PTPRT: variants seen among roughly 807,000 people sequenced by gnomAD.
PTPRT encodes receptor-type tyrosine-protein phosphatase T.
Under a neutral mutation model 176.8 loss-of-function variants are expected in PTPRT, and 56 were observed. The observed-to-expected ratio is 0.32, with a 90% confidence interval of 0.26 to 0.40. The LOEUF is 0.40. PTPRT is among the 10% of genes least tolerant of loss of function. The pLI, the probability that PTPRT is intolerant of heterozygous loss-of-function variation, is 1.00. For synonymous variants in PTPRT, 783 were observed against 739.0 expected, an observed-to-expected ratio of 1.06 and a Z score of -0.96; for missense variants, 1,540 against 1,908.2, an observed-to-expected ratio of 0.81 and a Z score of 3.60.
chr20:42,648,820 GTTTT>G (rs68036487), intron 7 of PTPRT, among the ~76,000 whole-genome samples: 65 of 111,830 alleles, frequency 5.8e-4, no homozygotes, highest in Non-Finnish European at 6.9e-4. Context: ...TGGTGTCGTT[GTTTT>G]TTTTTTTTTT....
At chr20:43,051,220 C>G (rs1367095173) in intron 1 of PTPRT, among the ~76,000 whole-genome samples, 1 of 152,176 alleles carries the variant, frequency 6.6e-6, no homozygotes, top group Non-Finnish European at 1.5e-5. Flanking sequence ...ATATATGTGC[C>G]AATAATATTG....
intron 6 of PTPRT, among the ~76,000 whole-genome samples, chr20:42,723,098 C>G (rs1048736226): frequency 5.3e-5 from 8 of 152,126 alleles, no homozygotes; most frequent in African/African-American, 1.9e-4. Flanking sequence ...AAGAGTAGTA[C>G]TTATCTCATT....
intron 9 of PTPRT, among the ~76,000 whole-genome samples, chr20:42,414,190 G>T (rs6016784): frequency 0.39 from 59,004 of 152,092 alleles, 12,785 homozygotes; most frequent in Admixed American, 0.5. Context: ...CTTGATGGAT[G>T]AATATCAGTA....
At chr20:42,678,979 A>T (rs2075556367) in intron 6 of PTPRT, among the ~76,000 whole-genome samples, 1 of 152,222 alleles carries the variant, frequency 6.6e-6, no homozygotes, top group Non-Finnish European at 1.5e-5. Context: ...CTTCTGCCTC[A>T]ACCCCAGCAG....
At chr20:42,591,091 C>T (rs532391232) in intron 7 of PTPRT, among the ~76,000 whole-genome samples, 15 of 151,850 alleles carry the variant, frequency 9.9e-5, no homozygotes, top group African/African-American at 3.4e-4. Flanking sequence ...TCCCAATCCA[C>T]TGAAATTTTA....
chr20:42,270,377 C>T, intron 13 of PTPRT: 1 of 1,540,914 alleles, frequency 6.5e-7, no homozygotes, highest in Non-Finnish European at 8.8e-7. Flanking sequence ...CTCCCACCCG[C>T]CCAGGGCTCT....
At chr20:42,356,189 A>G (rs537883519) in intron 9 of PTPRT, among the ~76,000 whole-genome samples, 6 of 152,266 alleles carry the variant, frequency 3.9e-5, no homozygotes, top group Admixed American at 3.9e-4. Flanking sequence ...ATAATATAAT[A>G]TGAACCTTCA....
chr20:42,273,048 C>G (rs1269687392), intron 13 of PTPRT, among the ~76,000 whole-genome samples: 2 of 152,312 alleles, frequency 1.3e-5, no homozygotes, highest in Admixed American at 6.5e-5. Context: ...CCAGTGACAT[C>G]CTGATTTTGC....
chr20:42,794,206 C>T (rs1022320873), intron 2 of PTPRT, among the ~76,000 whole-genome samples: 1 of 152,192 alleles, frequency 6.6e-6, no homozygotes, highest in African/African-American at 2.4e-5. Flanking sequence ...TCCAGCCTCC[C>T]TTTAGCATTT....
rs11482189 is a variant in PTPRT, at chr20:43,016,552, C to CTTTTTTTTTTTTTTTTTTTT, written c.89-130640_89-130621dup. 1.3e-4 allele frequency among the ~76,000 whole-genome samples: 10 copies of CTTTTTTTTTTTTTTTTTTTT among 76,236 alleles called. 2 individuals carry two copies. The highest frequency in any genetic ancestry group is 7.0e-4 in the African/African-American group (10 of 14,284). 50.0% of individuals were successfully genotyped at this position (76,236 alleles called of 152,430 possible). A position where few individuals can be genotyped will look rare whatever the true frequency, so the allele number is the denominator to read the frequency against. ...CATTTCTCTAACTGCTCTAAGGCCA[C>CTTTTTTTTTTTTTTTTTTTT]TTTTTTTTTTTTTTTTTTTTTTTTT... On this transcript the variant is annotated intron_variant, in intron 1 of 30. Transcript: ENST00000373187.
intron 7 of PTPRT, among the ~76,000 whole-genome samples, chr20:42,661,936 C>A (rs1028784311): frequency 6.6e-6 from 1 of 152,206 alleles, no homozygotes; most frequent in Non-Finnish European, 1.5e-5. Context: ...CAGCAATGGA[C>A]AGGGTGCCCT....
chr20:42,506,181 G>A (rs1008450844), intron 7 of PTPRT, among the ~76,000 whole-genome samples: 5 of 152,026 alleles, frequency 3.3e-5, no homozygotes, highest in South Asian at 2.1e-4. Context: ...TATATGTAAT[G>A]TACATATAAT....
At chr20:42,303,612 T>G (rs2057502070) in intron 12 of PTPRT, among the ~76,000 whole-genome samples, 1 of 152,210 alleles carries the variant, frequency 6.6e-6, no homozygotes, top group Non-Finnish European at 1.5e-5. Context: ...AGCCTTGGCT[T>G]GCTTGTGTGT....
In PTPRT at chr20:42,879,762, T is replaced by C. The variant is rs552866145; in HGVS notation, c.214+6045A>G. On this transcript the variant is annotated intron_variant, in intron 2 of 30. Transcript: ENST00000373187. ...GTGTGTGTGTGTGTGTGTGTGCGCG[T>C]GTGTGTGTGTGCATGTGCATGTGTG... is the stretch of plus-strand genomic sequence containing the variant. 4.4e-3 allele frequency among the ~76,000 whole-genome samples: 657 copies of C among 150,094 alleles called. 6 individuals are homozygous for C. The highest frequency in any genetic ancestry group is 0.015 in the African/African-American group (616 of 41,006).
chr20:42,633,352 C>G (rs35904902), intron 7 of PTPRT, among the ~76,000 whole-genome samples: 15,278 of 152,084 alleles, frequency 0.1, 978 homozygotes, highest in Non-Finnish European at 0.15. Flanking sequence ...AGCAAACAAT[C>G]TTTGGAAAAA....
intron 7 of PTPRT, among the ~76,000 whole-genome samples, chr20:42,541,499 C>G (rs909235335): frequency 6.9e-6 from 1 of 144,246 alleles, no homozygotes; most frequent in East Asian, 2.0e-4. Context: ...GTATCTAGTA[C>G]TAGTGTACTA....
At chr20:42,492,765 G>A (rs2071583593) in intron 7 of PTPRT, among the ~76,000 whole-genome samples, 1 of 152,036 alleles carries the variant, frequency 6.6e-6, no homozygotes, top group South Asian at 2.1e-4. Flanking sequence ...TGTGTTATAT[G>A]AATTATTTGG....
At chr20:42,346,297 G>A (rs576477289) in intron 11 of PTPRT, among the ~76,000 whole-genome samples, 1 of 152,188 alleles carries the variant, frequency 6.6e-6, no homozygotes, top group Admixed American at 6.5e-5. Context: ...TCACTTCAGG[G>A]ACTGCATTAT....
chr20:42,877,154 G>GA (rs111461366), intron 2 of PTPRT, among the ~76,000 whole-genome samples: 1,974 of 151,186 alleles, frequency 0.013, 43 homozygotes, highest in African/African-American at 0.044. Context: ...AAAATAAGCA[G>GA]AAAAAAAAGG....
Sources: allele counts gnomAD v4.1 joint callset (sites outside exome capture counted in the v4.1 genomes callset), GRCh38; gene constraint gnomAD v4.1.1; transcripts MANE v1.5; gene names NCBI Gene and HGNC (gene_info 2026-07-23, HGNC 2026-07-21).